The following XPR1 variants were observed in gnomAD, a reference collection of about 807,000 sequenced individuals.
The protein encoded by XPR1 is xenotropic and polytropic retrovirus receptor 1, also known as solute carrier family 53 member 1.
In XPR1, 28 loss-of-function variants were observed where a neutral mutation model predicts 87.5. The observed-to-expected ratio is 0.32, with a 90% CI of 0.24 to 0.44. XPR1 has a LOEUF of 0.44. XPR1 is among the 20% of genes least tolerant of loss of function. The pLI is 1.00. For synonymous variants in XPR1, 300 were observed against 306.1 expected (o/e 0.98, Z 0.21); for missense variants, 559 against 862.3 (o/e 0.65, Z 4.41).
intron 2 of XPR1, among the ~76,000 whole-genome samples, chr1:180,690,530 T>C (rs1291814803): frequency 6.6e-6 from 1 of 152,086 alleles, no homozygotes; most frequent in African/African-American, 2.4e-5. Flanking sequence ...TAAATGTCCA[T>C]GATCTCACCT....
chr1:180,846,945 A>G (rs1651705775), intron 11 of XPR1, among the ~76,000 whole-genome samples: 1 of 151,852 alleles, frequency 6.6e-6, no homozygotes, highest in South Asian at 2.1e-4. Context: ...TTGTATTTCT[A>G]CTTGTTCCTC....
intron 7 of XPR1, among the ~76,000 whole-genome samples, chr1:180,817,564 A>AGTATTCTGCACAGT (rs1215701530): frequency 2.6e-5 from 4 of 152,230 alleles, no homozygotes; most frequent in Non-Finnish European, 5.9e-5. Context: ...AATTGCCTAC[A>AGTATTCTGCACAGT]GTATTCTGTA....
intron 3 of XPR1, among the ~76,000 whole-genome samples, chr1:180,801,852 C>T (rs1238586241): frequency 6.6e-6 from 1 of 150,780 alleles, no homozygotes; most frequent in East Asian, 1.9e-4. Flanking sequence ...ACAATCTCGG[C>T]TCACTGCAGC....
chr1:180,863,971 C>G, intron 12 of XPR1, 97 bp downstream of exon 12: 31 of 921,086 alleles, frequency 3.4e-5, no homozygotes, highest in Non-Finnish European at 4.5e-5. Context: ...TTATATTACT[C>G]TAATATAATT....
chr1:180,794,040 A>G (rs778876208), intron 3 of XPR1, among the ~76,000 whole-genome samples: 8 of 152,194 alleles, frequency 5.3e-5, no homozygotes, highest in Non-Finnish European at 1.0e-4. Flanking sequence ...AACCCAATAA[A>G]TTGGTCAGAA....
At chr1:180,724,798 C>G (rs542832520) in intron 2 of XPR1, among the ~76,000 whole-genome samples, 2 of 152,096 alleles carry the variant, frequency 1.3e-5, no homozygotes, top group Non-Finnish European at 2.9e-5. Flanking sequence ...GTAATATCTG[C>G]TTTAATATTT....
chr1:180,760,140 T>A (rs900691306), intron 2 of XPR1, among the ~76,000 whole-genome samples: 159 of 152,140 alleles, frequency 1.0e-3, no homozygotes, highest in African/African-American at 3.0e-3. Flanking sequence ...ATCTATGACA[T>A]ACCCACAGCC....
At chr1:180,813,196 C>T (rs2102133936) in intron 7 of XPR1, among the ~76,000 whole-genome samples, 1 of 152,234 alleles carries the variant, frequency 6.6e-6, no homozygotes, top group Middle Eastern at 3.4e-3. Context: ...GTCATCTTCC[C>T]CCCACACTTA....
At chr1:180,839,388 A>C (rs1209515394) in intron 11 of XPR1, among the ~76,000 whole-genome samples, 1 of 152,238 alleles carries the variant, frequency 6.6e-6, no homozygotes, top group African/African-American at 2.4e-5. Context: ...TGTCTAATGC[A>C]ACATATGCAA....
At chr1:180,881,344 T>C (rs1652848648) in intron 14 of XPR1, among the ~76,000 whole-genome samples, 1 of 152,126 alleles carries the variant, frequency 6.6e-6, no homozygotes, top group African/African-American at 2.4e-5. Flanking sequence ...TTTGTGTTTT[T>C]GGTAGAGATG....
At chr1:180,820,612 T>C (rs1452607225) in intron 7 of XPR1, among the ~76,000 whole-genome samples, 1 of 152,232 alleles carries the variant, frequency 6.6e-6, no homozygotes, top group Non-Finnish European at 1.5e-5. Context: ...GTTTAGTACC[T>C]GTTTAATTTT....
chr1:180,836,810 G>A (rs1651311187), intron 11 of XPR1, 94 bp downstream of exon 11: 1 of 1,436,088 alleles, frequency 7.0e-7, no homozygotes, highest in Non-Finnish European at 9.5e-7. Context: ...CATTTGTCAT[G>A]CTCTTTTTTT....
chr1:180,879,024 C>T (rs1211453464), intron 13 of XPR1, among the ~76,000 whole-genome samples: 1 of 152,200 alleles, frequency 6.6e-6, no homozygotes, highest in African/African-American at 2.4e-5. Context: ...TGAATTCTCC[C>T]ATATCTAATG....
intron 7 of XPR1, among the ~76,000 whole-genome samples, chr1:180,814,984 G>T (rs1164585914): frequency 1.3e-5 from 2 of 151,968 alleles, no homozygotes; most frequent in Non-Finnish European, 2.9e-5. Context: ...TAGATGATAA[G>T]GGTGAAAAGA....
At chr1:180,668,527 T>A (rs1656047186) in intron 1 of XPR1, among the ~76,000 whole-genome samples, 1 of 152,222 alleles carries the variant, frequency 6.6e-6, no homozygotes, top group Non-Finnish European at 1.5e-5. Context: ...AAATTTGAAT[T>A]TGAAATCCAT....
Position 180,887,549 on chromosome 1 carries a change from A to G in XPR1, c.*3483A>G, listed in dbSNP as rs1455432467. 4 of 152,250 alleles carry G rather than the reference A, an allele frequency of 2.6e-5. No individual in the cohort carries two copies. The East Asian group carries it at 7.7e-4, about 29-fold the overall frequency. 9.4% of individuals were successfully genotyped at this position (152,250 alleles called of 1,614,324 possible). On this transcript the variant is annotated 3_prime_UTR_variant, in exon 15 of 15. Transcript: ENST00000367590. ...AAATCAAAGATTAAATCATTAGGTT[A>G]TGATGGTCATTTGTAAGATTGGAAA...
rs745704635 is a variant in XPR1, at chr1:180,632,158, C to T, written c.-44C>T. 536 of 1,583,142 alleles carry T rather than the reference C, an allele frequency of 3.4e-4. 1 individual carries two copies. Among genetic ancestry groups the T allele is most frequent in the South Asian group, 1.1e-4 (10 of 87,012 alleles). On this transcript the variant is annotated 5_prime_UTR_variant, in exon 1 of 15. Transcript: ENST00000367590. ...TCGGAGTCGCTGTTGCCGCCGCCGC[C>T]TGTAGCTGCTGGACCCGAGTGGGAG...
chr1:180,708,470 T>C (rs894965299), intron 2 of XPR1, among the ~76,000 whole-genome samples: 9 of 152,212 alleles, frequency 5.9e-5, no homozygotes, highest in African/African-American at 2.2e-4. Context: ...GTAGAATTAA[T>C]GTTATATATA....
At chr1:180,750,208 T>G (rs1313768029) in intron 2 of XPR1, among the ~76,000 whole-genome samples, 1 of 152,168 alleles carries the variant, frequency 6.6e-6, no homozygotes, top group African/African-American at 2.4e-5. Context: ...TAAGAAGCAC[T>G]GCAACACTGG....
Sources: gnomAD v4.1 joint callset for allele counts (sites outside exome capture counted in the v4.1 genomes callset) on GRCh38, gnomAD v4.1.1 for gene constraint, MANE v1.5 for transcripts, NCBI Gene and HGNC (gene_info 2026-07-23, HGNC 2026-07-21) for gene names.